DNAJC13: variants seen among roughly 807,000 people sequenced by gnomAD.
The protein encoded by DNAJC13 is dnaJ homolog subfamily C member 13.
In DNAJC13, 75 loss-of-function variants were observed where a neutral mutation model predicts 290.5. The observed-to-expected ratio is 0.26, with a 90% confidence interval of 0.21 to 0.31. DNAJC13 has a LOEUF of 0.31. DNAJC13 is among the 10% of genes least tolerant of loss of function. The probability of loss-of-function intolerance (pLI) is 1.00; values close to 1 mark genes in which losing one functional copy is unlikely to be tolerated. For missense variants in DNAJC13, 2,260 were observed against 2,674.5 expected, an observed-to-expected ratio of 0.85 and a Z score of 3.42; for synonymous variants, 862 against 892.0, an observed-to-expected ratio of 0.97 and a Z score of 0.60.
intron 51 of DNAJC13, among the ~76,000 whole-genome samples, chr3:132,524,662 C>T (rs1303759164): frequency 1.3e-5 from 2 of 152,224 alleles, no homozygotes; most frequent in African/African-American, 2.4e-5. Context: ...AGTCATATTC[C>T]TCCAATAGGA....
chr3:132,468,408 C>T (rs998972201), intron 20 of DNAJC13, among the ~76,000 whole-genome samples: 2 of 152,170 alleles, frequency 1.3e-5, no homozygotes, highest in Non-Finnish European at 2.9e-5. Flanking sequence ...ATATTATAGT[C>T]TTGTGTATCT....
chr3:132,501,582 GAAAA>G (rs74269442), intron 39 of DNAJC13, among the ~76,000 whole-genome samples: 4 of 147,594 alleles, frequency 2.7e-5, no homozygotes, highest in Non-Finnish European at 6.0e-5. Context: ...AAAAAAAAAA[GAAAA>G]AAAAACAGGG....
At chr3:132,463,881 A>G in intron 17 of DNAJC13, 64 bp downstream of exon 17, 1 of 1,529,362 alleles carries the variant, frequency 6.5e-7, no homozygotes, top group Non-Finnish European at 8.9e-7. Flanking sequence ...TTCAGATGTT[A>G]CATAAAACTA....
chr3:132,480,971 T>C (rs1934648002), intron 26 of DNAJC13, among the ~76,000 whole-genome samples: 2 of 152,206 alleles, frequency 1.3e-5, no homozygotes. Context: ...AAGTGCTATT[T>C]GAGTATTTAG....
chr3:132,463,873 C>T lies in DNAJC13; in HGVS notation c.1892+56C>T, dbSNP rs898958599. 10 of 1,557,196 alleles carry T rather than the reference C, an allele frequency of 6.4e-6. No homozygotes were observed. The African/African-American group carries it at 9.6e-5, about 15-fold the overall frequency. ...TAACTTCCTGTCTAGAGAATTGATTCAGATGTTACATAAAACTAAATGTGT... is the reference window on the plus strand; with the variant it reads ...TAACTTCCTGTCTAGAGAATTGATTTAGATGTTACATAAAACTAAATGTGT... On this transcript the variant is annotated intron_variant, in intron 17 of 55. Coordinates refer to ENST00000260818, the MANE Select transcript of DNAJC13 (RefSeq NM_015268.4).
At position 132,538,292 on chromosome 3, in the gene DNAJC13, G is replaced by A. The variant is rs73860746; in HGVS notation, c.*10G>A. 2.1e-3 allele frequency: 3,353 copies of A among 1,609,820 alleles called. 31 individuals carry two copies. In the African/African-American group the frequency reaches 0.028, roughly 13 times the overall value. On this transcript the variant is annotated 3_prime_UTR_variant, in exon 56 of 56. Transcript: ENST00000260818. ...TGGCTATCAGACTTGAAATATTCACGAGAGACAATAAACGCTGAAAGGCCA... is the reference window on the plus strand; with the variant it reads ...TGGCTATCAGACTTGAAATATTCACAAGAGACAATAAACGCTGAAAGGCCA...
At chr3:132,471,065 G>A (rs1360463010) in intron 20 of DNAJC13, among the ~76,000 whole-genome samples, 46 of 140,078 alleles carry the variant, frequency 3.3e-4, no homozygotes, top group South Asian at 1.8e-3. Context: ...CCAGGCGGGG[G>A]GCTTACCCCC....
chr3:132,513,091 G>C lies in DNAJC13; in HGVS notation c.5377G>C (p.Ala1793Pro), dbSNP rs1228656732. ...TGGAGCTGGTCAAGTGCAGCAGTTGGCTTTAGAGGTAAAAGCGTTTTGTAC... is the reference window on the plus strand; with the variant it reads ...TGGAGCTGGTCAAGTGCAGCAGTTGCCTTTAGAGGTAAAAGCGTTTTGTAC... Reference protein sequence around the residue: ...VHGAGQVQQLALEVVNIVTSN... With the variant: ...VHGAGQVQQLPLEVVNIVTSN... The change falls in exon 45 of 56, where the codon GCT (alanine) becomes CCT (proline). Residue 1793 changes from alanine to proline, a missense_variant. Transcript: ENST00000260818. 2 of 1,613,110 alleles carry C rather than the reference G, an allele frequency of 1.2e-6. No homozygotes were observed. Among genetic ancestry groups the C allele is most frequent in the Non-Finnish European group, 1.7e-6 (2 of 1,179,346 alleles).
At position 132,522,822 on chromosome 3, in the gene DNAJC13, G is replaced by C. The variant is rs369656958; in HGVS notation, c.5674-6G>C. The stretch of plus-strand genomic sequence containing the variant: ...GTCTTTTTCATTCTCAAACTTCCTC[G>C]TATAGGTTCGAATTACGTTAATGAA... On this transcript the variant is annotated splice_region_variant and splice_polypyrimidine_tract_variant and intron_variant, in intron 48 of 55. Transcript: ENST00000260818. The C allele has an allele frequency of 6.3e-7, 1 of 1,594,966 alleles. No individual in the cohort carries two copies. Among genetic ancestry groups the C allele is most frequent in the East Asian group, 2.2e-5 (1 of 44,654 alleles).
At position 132,530,979 on chromosome 3, in the gene DNAJC13, G is replaced by T. The variant is rs1559916316; in HGVS notation, c.6526-19G>T. ...CAGTCCTTGATTTTATGTTCAAAGG[G>T]CTTGTTTTACTTTCCTAGGTGAATG... On this transcript the variant is annotated intron_variant, in intron 54 of 55. Coordinates refer to ENST00000260818, the MANE Select transcript of DNAJC13 (RefSeq NM_015268.4). 1.2e-6 allele frequency: 2 copies of T among 1,603,830 alleles called. No homozygotes were observed. Among genetic ancestry groups the T allele is most frequent in the South Asian group, 2.2e-5 (2 of 90,714 alleles).
At chr3:132,494,008 T>C in intron 33 of DNAJC13, 136 bp from the exon 34 acceptor site, 1 of 648,350 alleles carries the variant, frequency 1.5e-6, no homozygotes, top group South Asian at 2.2e-5. Context: ...TTTTGGTTAT[T>C]TGTATTTCAG....
chr3:132,479,913 A>G (rs1934611847), intron 25 of DNAJC13, among the ~76,000 whole-genome samples: 1 of 152,164 alleles, frequency 6.6e-6, no homozygotes, highest in Non-Finnish European at 1.5e-5. Flanking sequence ...AAGTGTAATT[A>G]TAAGTACAAA....
At chr3:132,459,999 CT>C (rs1013807821) in intron 13 of DNAJC13, among the ~76,000 whole-genome samples, 3 of 152,140 alleles carry the variant, frequency 2.0e-5, no homozygotes, top group Admixed American at 2.0e-4. Context: ...AGATCTGTGA[CT>C]TTTGAGAGAG....
intron 20 of DNAJC13, among the ~76,000 whole-genome samples, chr3:132,469,141 A>G (rs769103324): frequency 3.3e-5 from 5 of 152,244 alleles, no homozygotes; most frequent in African/African-American, 9.6e-5. Flanking sequence ...GTTAGCATCA[A>G]TGGCTTATCC....
intron 14 of DNAJC13, 125 bp downstream of exon 14, chr3:132,460,482 C>A: frequency 1.6e-6 from 1 of 613,034 alleles, no homozygotes; most frequent in Non-Finnish European, 2.9e-6. Context: ...CAGTATTGGT[C>A]ACAGTTCAGC....
chr3:132,489,073 A>G (rs367895938), intron 31 of DNAJC13, 52 bp downstream of exon 31: 1 of 1,463,684 alleles, frequency 6.8e-7, no homozygotes, highest in African/African-American at 1.4e-5. Context: ...CTGTTTTGGC[A>G]CTATAAAGTT....
At chr3:132,469,029 T>C (rs1934096106) in intron 20 of DNAJC13, among the ~76,000 whole-genome samples, 1 of 152,236 alleles carries the variant, frequency 6.6e-6, no homozygotes, top group South Asian at 2.1e-4. Flanking sequence ...ATATTTTTAA[T>C]ATAAAAGTTT....
chr3:132,516,313 T>TA, intron 46 of DNAJC13, 109 bp from the exon 47 acceptor site: 1 of 961,822 alleles, frequency 1.0e-6, no homozygotes, highest in Non-Finnish European at 1.6e-6. Context: ...GAGGATTAAA[T>TA]ATGACATCCT....
intron 1 of DNAJC13, among the ~76,000 whole-genome samples, chr3:132,418,393 C>T (rs1938860830): frequency 6.6e-6 from 1 of 152,140 alleles, no homozygotes; most frequent in Non-Finnish European, 1.5e-5. Flanking sequence ...GACTTAGACG[C>T]TCAGTGAAGT....
Sources: gnomAD v4.1 joint callset for allele counts (sites outside exome capture counted in the v4.1 genomes callset) on GRCh38, gnomAD v4.1.1 for gene constraint, MANE v1.5 for transcripts, NCBI Gene and HGNC (gene_info 2026-07-23, HGNC 2026-07-21) for gene names.